Variants in TRIOBP observed in about 807,000 individuals in gnomAD.
The protein encoded by TRIOBP is TRIO and F-actin-binding protein.
A neutral mutation model predicts 238.8 loss-of-function variants in TRIOBP; 169 were observed. That is an observed-to-expected ratio of 0.71 (90% CI 0.62 to 0.80). The LOEUF (loss-of-function observed/expected upper bound fraction) is 0.80. Ranked by LOEUF, TRIOBP falls within the 30% of genes least tolerant of loss-of-function variation. The pLI is 0.00. For missense variants in TRIOBP, 2,838 were observed against 3,122.6 expected, an observed-to-expected ratio of 0.91 and a Z score of 2.17; for synonymous variants, 1,150 against 1,274.4, an observed-to-expected ratio of 0.90 and a Z score of 2.08.
intron 6 of TRIOBP, among the ~76,000 whole-genome samples, chr22:37,719,442 G>A (rs557412650): frequency 2.0e-5 from 3 of 152,128 alleles, no homozygotes; most frequent in East Asian, 3.9e-4. Context: ...GAGCCCTGAG[G>A]AAGAGGTTTT....
chr22:37,743,767 C>CATTG (rs1161583556), intron 11 of TRIOBP, among the ~76,000 whole-genome samples: 1 of 145,686 alleles, frequency 6.9e-6, no homozygotes, highest in Non-Finnish European at 1.5e-5. Flanking sequence ...GGCCAACAAG[C>CATTG]ATTGGGAGGG....
chr22:37,723,501 C>T lies in TRIOBP; in HGVS notation c.945C>T (p.Thr315=). Residue 315 remains threonine, a synonymous_variant, in exon 7 of 24, where the codon ACC becomes ACT. Transcript: ENST00000644935. The stretch of plus-strand genomic sequence containing the variant: ...AGGAAACCTCCAGGGCCTCATCCAC[C>T]CAAGAGGACACCCCTAGGGCCTCAT... The part of the protein sequence containing the change: ...TQQETSRASS[T]QEDTPRASST... 1 of 1,613,762 alleles carries T rather than the reference C, an allele frequency of 6.2e-7. No individual in the cohort carries two copies.
Position 37,738,700 on chromosome 22 carries a change from A to G in TRIOBP, c.5165A>G (p.Asp1722Gly). Residue 1722 changes from aspartate to glycine, a missense_variant, in exon 10 of 24, where the codon GAC becomes GGC. By Grantham distance (94) the Asp-to-Gly change is moderately conservative. This residue lies in a region of TRIOBP where 2,096 missense variants were observed against 2,137.4 expected (regional missense o/e 0.98). Coordinates refer to ENST00000644935, the MANE Select transcript of TRIOBP (RefSeq NM_001039141.3). ...AGCAGAGGCCAAGACCCCCTGACTG[A>G]CCAGAAGCAGGCAGACTCGGTAGCT... The part of the protein sequence containing the change: ...EPSRGQDPLT[D>G]QKQADSADKR... 1 of 1,613,914 alleles carries G rather than the reference A, an allele frequency of 6.2e-7. No homozygotes were observed. Among genetic ancestry groups the G allele is most frequent in the Non-Finnish European group, 8.5e-7 (1 of 1,179,948 alleles).
chr22:37,769,381 T>A lies in TRIOBP; in HGVS notation c.6849+6T>A. On this transcript the variant is annotated splice_donor_region_variant and intron_variant, in intron 21 of 23. Transcript: ENST00000644935. ...GGAGTTCCTGCGAGCTAGAGGTGAG[T>A]GTCCTCACTAGCACCAGGCAGCCCA... 6.3e-7 allele frequency: 1 copy of A among 1,594,948 alleles called. No individual in the cohort carries two copies. The highest frequency in any genetic ancestry group is 8.5e-7 in the Non-Finnish European group (1 of 1,173,362).
chr22:37,718,356 C>G (rs1923644658), intron 6 of TRIOBP, among the ~76,000 whole-genome samples: 1 of 152,182 alleles, frequency 6.6e-6, no homozygotes, highest in Admixed American at 6.5e-5. Flanking sequence ...GAGGAGGCGC[C>G]GAGAGTGAGC....
At chr22:37,710,174 C>G (rs1179988633) in intron 3 of TRIOBP, among the ~76,000 whole-genome samples, 2 of 152,276 alleles carry the variant, frequency 1.3e-5, no homozygotes, top group African/African-American at 2.4e-5. Flanking sequence ...AATACCAGGC[C>G]TTTATCCACA....
At position 37,765,717 on chromosome 22, in the gene TRIOBP, G is replaced by A; in HGVS notation, c.6372G>A (p.Gln2124=). 6.4e-7 allele frequency: 1 copy of A among 1,559,266 alleles called. No homozygotes were observed. The highest frequency in any genetic ancestry group is 1.4e-5 in the African/African-American group (1 of 73,528). ...CAGAGATGGAGTCCTCGCACCAGCA[G>A]GTGATGGAGGAGCTGCAGCGGCACC... The part of the protein sequence containing the change: ...SLAEMESSHQ[Q]VMEELQRHHE... Residue 2124 remains glutamine, a synonymous_variant, in exon 18 of 24, where the codon CAG becomes CAA. Transcript: ENST00000644935.
rs887977694 is a variant in TRIOBP at position 37,757,948 on chromosome 22, G to A, written c.6023G>A (p.Arg2008Gln). ...PEVPAGEGPRRGLGAPLTEDQ... is the reference protein window; with the variant it reads ...PEVPAGEGPRQGLGAPLTEDQ... ...GTGCCTGCTGGTGAGGGGCCGCGCC[G>A]GGGCCTGGGTGCCCCCCTGACTGAG... is the stretch of plus-strand genomic sequence containing the variant. Residue 2008 changes from arginine to glutamine, a missense_variant, in exon 16 of 24, where the codon CGG becomes CAG. By Grantham distance (43) the Arg-to-Gln change is conservative (BLOSUM62 1). Coordinates refer to ENST00000644935, the MANE Select transcript of TRIOBP (RefSeq NM_001039141.3). The A allele has an allele frequency of 1.5e-5, 23 of 1,563,444 alleles. No homozygotes were observed. The highest frequency in any genetic ancestry group is 2.3e-5 in the South Asian group (2 of 85,512).
intron 10 of TRIOBP, among the ~76,000 whole-genome samples, chr22:37,739,329 G>A (rs191062756): frequency 6.6e-6 from 1 of 152,180 alleles, no homozygotes; most frequent in Non-Finnish European, 1.5e-5. Context: ...AGTGGGAGGT[G>A]GGGGAGGAGG....
rs112316713 is a variant in TRIOBP at position 37,738,801 on chromosome 22, A to G, written c.5184+82A>G. The G allele has an allele frequency of 1.9e-3, 2,777 of 1,448,820 alleles. 47 individuals carry two copies. In the African/African-American group the frequency reaches 0.032, roughly 17 times the overall value. 89.7% of individuals were successfully genotyped at this position (1,448,820 alleles called of 1,614,324 possible). On this transcript the variant is annotated intron_variant, in intron 10 of 23. Transcript: ENST00000644935. ...GGAGATGGGCTTCATTCCTCAGAAG[A>G]GCCCTAGAATCAACCAGACCAAAGT...
At chr22:37,717,369 C>G (rs189506303) in intron 6 of TRIOBP, among the ~76,000 whole-genome samples, 1 of 152,164 alleles carries the variant, frequency 6.6e-6, no homozygotes, top group Admixed American at 6.5e-5. Flanking sequence ...GGAAGAGGAC[C>G]CGAGCGGGTT....
At chr22:37,735,619 T>C (rs1254250712) in intron 9 of TRIOBP, among the ~76,000 whole-genome samples, 177 bp downstream of exon 9, 1 of 152,238 alleles carries the variant, frequency 6.6e-6, no homozygotes, top group African/African-American at 2.4e-5. Flanking sequence ...CCAACAATGA[T>C]GATGAGCAAC....
At chr22:37,768,949 T>C in intron 19 of TRIOBP, 79 bp from the exon 20 acceptor site, 1 of 1,605,160 alleles carries the variant, frequency 6.2e-7, no homozygotes. Flanking sequence ...CCTGGGATGC[T>C]TTAAGTCTAC....
chr22:37,716,680 C>T (rs542250943), intron 6 of TRIOBP, among the ~76,000 whole-genome samples: 1 of 152,208 alleles, frequency 6.6e-6, no homozygotes, highest in African/African-American at 2.4e-5. Context: ...CAGGAGTGAG[C>T]CACTATGCCT....
chr22:37,719,099 A>T (rs933034648), intron 6 of TRIOBP, among the ~76,000 whole-genome samples: 1 of 148,760 alleles, frequency 6.7e-6, no homozygotes, highest in Non-Finnish European at 1.5e-5. Context: ...GTTACTCGGG[A>T]TGCTGAGGCA....
In TRIOBP at chr22:37,735,185, G is replaced by A; in HGVS notation, c.4849G>A (p.Gly1617Ser). Residue 1617 changes from glycine (G) to serine (S), a missense_variant, in exon 9 of 24, where the codon GGC (glycine) becomes AGC (serine). Physicochemically the swap from Gly to Ser is moderately conservative, Grantham distance 56 (BLOSUM62 0). Transcript: ENST00000644935. Reference sequence around the variant, plus strand: ...TTTAGGGCCAGAGCTGGGTCCCCCAGGCACAAACGATGTCCCTGAGCAGGA... The same window carrying A: ...TTTAGGGCCAGAGCTGGGTCCCCCAAGCACAAACGATGTCCCTGAGCAGGA... ...RALGPELGPP[G>S]TNDVPEQESH... 2 of 1,609,828 alleles carry A rather than the reference G, an allele frequency of 1.2e-6. No homozygotes were observed. Among genetic ancestry groups the A allele is most frequent in the South Asian group, 1.1e-5 (1 of 90,994 alleles).
chr22:37,773,996 A>ACACACACACACACACACT lies in TRIOBP; in HGVS notation c.*225_*226insACACACACTCACACACAC, dbSNP rs1926920528. 6.6e-6 allele frequency: 1 copy of ACACACACACACACACACT among 151,920 alleles called. No individual in the cohort carries two copies. The highest frequency in any genetic ancestry group is 1.5e-5 in the Non-Finnish European group (1 of 68,030). 9.4% of individuals were successfully genotyped at this position (151,920 alleles called of 1,614,324 possible). A position where few individuals can be genotyped will look rare whatever the true frequency, so the allele number is the denominator to read the frequency against. On this transcript the variant is annotated 3_prime_UTR_variant, in exon 24 of 24. Transcript: ENST00000644935. Reference sequence around the variant, plus strand: ...CATGTACACACGGATACACACACACACACACACACTGCATATCTGAGCGCG... The same window carrying ACACACACACACACACACT: ...CATGTACACACGGATACACACACACACACACACACACACACACTCACACACACTGCATATCTGAGCGCG...
intron 11 of TRIOBP, chr22:37,746,139 C>G: frequency 9.9e-7 from 1 of 1,006,392 alleles, no homozygotes; most frequent in African/African-American, 1.8e-5. Context: ...TTCCATTGGC[C>G]CGCCGCGGCC....
At chr22:37,741,639 G>A (rs940287021) in intron 11 of TRIOBP, among the ~76,000 whole-genome samples, 5 of 152,200 alleles carry the variant, frequency 3.3e-5, no homozygotes, top group African/African-American at 4.8e-5. Context: ...CTTACTCACC[G>A]CTGTTGGCTC....
Sources: gnomAD v4.1 joint callset for allele counts (sites outside exome capture counted in the v4.1 genomes callset) on GRCh38, gnomAD v4.1.1 for gene constraint, gnomAD v4.1.1 regional missense constraint, MANE v1.5 for transcripts, NCBI Gene and HGNC (gene_info 2026-07-23, HGNC 2026-07-21) for gene names.